Variants in ME3 observed in about 807,000 individuals in gnomAD.
ME3 encodes malic enzyme 3.
In ME3, 48 loss-of-function variants were observed where a neutral mutation model predicts 68.9. That is an observed-to-expected ratio of 0.70 (90% CI 0.55 to 0.89). The LOEUF (loss-of-function observed/expected upper bound fraction) is 0.89, where lower values mean the gene tolerates loss of function less well. Ranked by LOEUF, ME3 falls within the 40% of genes least tolerant of loss-of-function variation. The pLI, the probability that ME3 is intolerant of heterozygous loss-of-function variation, is 0.00. For missense variants in ME3, 675 were observed against 797.4 expected (o/e 0.85, Z 1.85); for synonymous variants, 320 against 318.8 (o/e 1.00, Z -0.04).
intron 5 of ME3, among the ~76,000 whole-genome samples, chr11:86,508,037 A>G (rs1201315497): frequency 6.6e-6 from 1 of 152,072 alleles, no homozygotes; most frequent in Admixed American, 6.5e-5. Flanking sequence ...TGGTATACAG[A>G]AATGTTTTCT....
At chr11:86,665,430 G>A (rs147670402) in intron 2 of ME3, among the ~76,000 whole-genome samples, 1 of 152,276 alleles carries the variant, frequency 6.6e-6, no homozygotes, top group Non-Finnish European at 1.5e-5. Flanking sequence ...GTGTGCTCTA[G>A]GAAGGAGGAT....
intron 4 of ME3, among the ~76,000 whole-genome samples, chr11:86,520,954 A>G (rs1179555102): frequency 1.3e-5 from 2 of 152,222 alleles, no homozygotes; most frequent in Non-Finnish European, 2.9e-5. Context: ...CTAGAGTTCC[A>G]TGACTCTAAT....
Position 86,508,878 on chromosome 11 carries a change from T to G in ME3, c.468-11A>C, listed in dbSNP as rs1316051807. ...GTGATGAACAGTCCACTAAAAGAAA[T>G]AAAACACGTACACACAGAGAAACCA... is the stretch of plus-strand genomic sequence containing the variant. On this transcript the variant is annotated splice_polypyrimidine_tract_variant and intron_variant, in intron 4 of 14. Coordinates refer to ENST00000543262, the Ensembl canonical transcript of ME3. 4 of 1,603,844 alleles carry G rather than the reference T, an allele frequency of 2.5e-6. No homozygotes were observed. The highest frequency in any genetic ancestry group is 2.6e-6 in the Non-Finnish European group (3 of 1,171,254).
At chr11:86,481,339 C>T (rs1951396348) in intron 7 of ME3, among the ~76,000 whole-genome samples, 1 of 151,728 alleles carries the variant, frequency 6.6e-6, no homozygotes, top group South Asian at 2.1e-4. Flanking sequence ...AGGTGTGAGC[C>T]ACTGTGCTCA....
chr11:86,520,131 C>T (rs1394157552), intron 4 of ME3, among the ~76,000 whole-genome samples: 2 of 152,180 alleles, frequency 1.3e-5, no homozygotes, highest in Admixed American at 6.5e-5. Context: ...ATGTCCCCCT[C>T]CCAGCCCCAT....
chr11:86,638,222 G>A (rs1944462838), intron 2 of ME3, among the ~76,000 whole-genome samples: 1 of 152,148 alleles, frequency 6.6e-6, no homozygotes, highest in Admixed American at 6.5e-5. Flanking sequence ...TACTGCCTGT[G>A]AGGTTGTGGT....
intron 5 of ME3, among the ~76,000 whole-genome samples, chr11:86,508,586 C>T (rs1042465889): frequency 2.0e-5 from 3 of 152,156 alleles, no homozygotes; most frequent in African/African-American, 7.2e-5. Context: ...TAATGAAGGG[C>T]AATGTCACAT....
chr11:86,592,206 G>A (rs1254492720), intron 2 of ME3, among the ~76,000 whole-genome samples: 1 of 152,122 alleles, frequency 6.6e-6, no homozygotes, highest in Non-Finnish European at 1.5e-5. Context: ...AGGTGTGTTG[G>A]GAATTCAATC....
intron 2 of ME3, among the ~76,000 whole-genome samples, chr11:86,640,014 T>A (rs543223476): frequency 1.3e-5 from 2 of 152,288 alleles, no homozygotes; most frequent in East Asian, 3.9e-4. Context: ...GAGACCAGAA[T>A]TCACCTTCGG....
chr11:86,440,301 C>T (rs1414369439), downstream of ME3, among the ~76,000 whole-genome samples: 1 of 152,190 alleles, frequency 6.6e-6, no homozygotes, highest in Non-Finnish European at 1.5e-5. Flanking sequence ...CTGCCCCCAC[C>T]CCTATGATAT....
intron 8 of ME3, among the ~76,000 whole-genome samples, chr11:86,450,787 A>G (rs1949584808): frequency 6.6e-6 from 1 of 152,250 alleles, no homozygotes; most frequent in Admixed American, 6.5e-5. Context: ...CAACCTGACC[A>G]TGAGGCATTA....
At chr11:86,571,516 A>G (rs895591775) in intron 2 of ME3, among the ~76,000 whole-genome samples, 2 of 152,240 alleles carry the variant, frequency 1.3e-5, no homozygotes, top group Admixed American at 6.5e-5. Flanking sequence ...CACTGTGGCT[A>G]TTGAGCACTT....
chr11:86,598,728 G>A (rs112290268), intron 2 of ME3, among the ~76,000 whole-genome samples: 335 of 152,202 alleles, frequency 2.2e-3, no homozygotes, highest in African/African-American at 7.7e-3. Flanking sequence ...CACCTCACGC[G>A]GCCAGGTACT....
chr11:86,556,807 G>A, intron 3 of ME3, 105 bp from the exon 4 acceptor site: 2 of 1,279,316 alleles, frequency 1.6e-6, no homozygotes, highest in East Asian at 2.4e-5. Context: ...GCTCAGCCCG[G>A]AACATTCATG....
At position 86,450,357 on chromosome 11, in the gene ME3, G is replaced by A. The variant is rs775949939; in HGVS notation, c.961C>T (p.Arg321Ter). 26 of 1,613,870 alleles carry A rather than the reference G, an allele frequency of 1.6e-5. No individual in the cohort carries two copies. Among genetic ancestry groups the A allele is most frequent in the South Asian group, 7.7e-5 (7 of 91,070 alleles). The change falls in exon 9 of 15, where the codon CGA (arginine) becomes TGA (stop). Residue 321 changes from arginine (R) to a stop codon, truncating the protein, a stop_gained. Transcript: ENST00000543262. LOFTEE classifies it high-confidence loss of function. ...TTGGAAAGCTTGTTCTTGGTGATTC[G>A]CAGAGCAGCCAAGATCCCTGCCACA...
intron 4 of ME3, among the ~76,000 whole-genome samples, chr11:86,551,690 C>G (rs1317191614): frequency 1.3e-5 from 2 of 152,208 alleles, no homozygotes; most frequent in East Asian, 1.9e-4. Flanking sequence ...ATGGGAAGTA[C>G]ATGCATTCAA....
intron 2 of ME3, among the ~76,000 whole-genome samples, chr11:86,642,799 A>G (rs1245267288): frequency 6.6e-6 from 1 of 152,152 alleles, no homozygotes; most frequent in African/African-American, 2.4e-5. Context: ...GTTTTGAAAA[A>G]TCCTGCATTT....
intron 2 of ME3, among the ~76,000 whole-genome samples, chr11:86,630,790 G>T (rs549587418): frequency 6.6e-6 from 1 of 152,336 alleles, no homozygotes; most frequent in Non-Finnish European, 1.5e-5. Flanking sequence ...CCCGAGTCAG[G>T]ACTTTCAAGG....
chr11:86,545,128 C>CAT (rs1444020367), intron 4 of ME3, among the ~76,000 whole-genome samples: 2 of 151,732 alleles, frequency 1.3e-5, no homozygotes, highest in Non-Finnish European at 2.9e-5. Flanking sequence ...CAACACCCTT[C>CAT]ATGCTAAAAA....
Sources: gnomAD v4.1 joint callset for allele counts (sites outside exome capture counted in the v4.1 genomes callset) on GRCh38, gnomAD v4.1.1 for gene constraint, MANE v1.5 for transcripts, NCBI Gene and HGNC (gene_info 2026-07-23, HGNC 2026-07-21) for gene names.